Variants in CAST observed in about 807,000 individuals in gnomAD.
CAST encodes calpastatin, also known as MIR583 host.
A neutral mutation model predicts 119.6 loss-of-function variants in CAST; 76 were observed. The observed-to-expected ratio is 0.64, with a 90% CI of 0.53 to 0.77. The LOEUF is 0.77. CAST is among the 30% of genes least tolerant of loss of function. CAST has a pLI of 0.00. For synonymous variants in CAST, 319 were observed against 331.6 expected, an observed-to-expected ratio of 0.96 and a Z score of 0.41; for missense variants, 953 against 946.5, an observed-to-expected ratio of 1.01 and a Z score of -0.09.
the CAST span, among the ~76,000 whole-genome samples, chr5:96,097,285 A>G: frequency 6.7e-6 from 1 of 149,954 alleles, no homozygotes; most frequent in Non-Finnish European, 1.5e-5. Context: ...CATGAGCCAC[A>G]CCCAGTTCTT....
chr5:96,410,269 G>A, the CAST span, among the ~76,000 whole-genome samples: 1 of 152,090 alleles, frequency 6.6e-6, no homozygotes, highest in Non-Finnish European at 1.5e-5. Flanking sequence ...CAGATGCTGA[G>A]CAGTTCACCT....
At chr5:96,035,075 A>AAG in the CAST span, among the ~76,000 whole-genome samples, 1 of 143,146 alleles carries the variant, frequency 7.0e-6, no homozygotes, top group African/African-American at 2.6e-5. Context: ...TTAAGTATAT[A>AAG]TATATATATA....
chr5:96,115,818 C>T, the CAST span, among the ~76,000 whole-genome samples: 1 of 151,998 alleles, frequency 6.6e-6, no homozygotes, highest in South Asian at 2.1e-4. Flanking sequence ...TGAAAGGACA[C>T]CTCGAATCTG....
chr5:96,588,200 T>C (rs537638133), intron 1 of CAST, among the ~76,000 whole-genome samples: 15 of 51,572 alleles, frequency 2.9e-4, no homozygotes, highest in Non-Finnish European at 4.6e-4. Context: ...TTCTTTCTTT[T>C]TTTTTTTTTT....
the CAST span, among the ~76,000 whole-genome samples, chr5:96,505,630 C>A: frequency 6.6e-6 from 1 of 152,248 alleles, no homozygotes; most frequent in African/African-American, 2.4e-5. Flanking sequence ...GTTCTCAGTT[C>A]TTTTGCCTCC....
chr5:95,991,904 A>G, the CAST span, among the ~76,000 whole-genome samples: 1 of 152,192 alleles, frequency 6.6e-6, no homozygotes, highest in Admixed American at 6.5e-5. Flanking sequence ...CTTAATCACT[A>G]CTTATTCTAT....
At chr5:96,108,379 T>C in the CAST span, among the ~76,000 whole-genome samples, 2 of 152,226 alleles carry the variant, frequency 1.3e-5, no homozygotes, top group African/African-American at 2.4e-5. Context: ...TCTTTAATGA[T>C]GGTGATGTAC....
chr5:96,394,504 G>A, the CAST span, among the ~76,000 whole-genome samples: 1 of 152,142 alleles, frequency 6.6e-6, no homozygotes, highest in East Asian at 1.9e-4. Flanking sequence ...GGGATTATAG[G>A]TTAATGAGAC....
chr5:96,429,375 T>G, the CAST span: 10,988 of 947,010 alleles, frequency 0.012, 557 homozygotes, highest in East Asian at 0.14. Context: ...ATATATGGAC[T>G]AGTTTAAAAC....
chr5:96,379,940 C>T, the CAST span, among the ~76,000 whole-genome samples: 2 of 152,118 alleles, frequency 1.3e-5, no homozygotes, highest in African/African-American at 4.8e-5. Context: ...AGCAGCCTGT[C>T]CTGAATGGTG....
At chr5:96,205,950 C>T in the CAST span, among the ~76,000 whole-genome samples, 1 of 151,820 alleles carries the variant, frequency 6.6e-6, no homozygotes, top group African/African-American at 2.4e-5. Flanking sequence ...GTAAGTGCTC[C>T]CTTTTCTCTG....
the CAST span, among the ~76,000 whole-genome samples, chr5:96,028,139 T>C: frequency 6.6e-6 from 1 of 152,162 alleles, no homozygotes; most frequent in Non-Finnish European, 1.5e-5. Context: ...AGCCATTGAA[T>C]GTTTTGTGAC....
chr5:96,627,182 C>T (rs751007414), intron 1 of CAST, among the ~76,000 whole-genome samples: 9 of 152,300 alleles, frequency 5.9e-5, no homozygotes, highest in Non-Finnish European at 1.2e-4. Flanking sequence ...TTGAGGTCTA[C>T]CACAACATAG....
the CAST span, among the ~76,000 whole-genome samples, chr5:96,436,939 C>T: frequency 3.3e-5 from 5 of 152,178 alleles, no homozygotes; most frequent in African/African-American, 7.2e-5. Flanking sequence ...AGCAGATCCA[C>T]AGACACTTTT....
At chr5:96,613,109 A>T (rs1747392463) in intron 1 of CAST, among the ~76,000 whole-genome samples, 1 of 152,188 alleles carries the variant, frequency 6.6e-6, no homozygotes, top group Admixed American at 6.5e-5. Flanking sequence ...TAGTTTTATA[A>T]TAAGTCTTGA....
At chr5:96,117,002 T>C in the CAST span, among the ~76,000 whole-genome samples, 1 of 152,218 alleles carries the variant, frequency 6.6e-6, no homozygotes, top group East Asian at 1.9e-4. Flanking sequence ...GTGGCAGTAG[T>C]GGCTGTACCC....
the CAST span, among the ~76,000 whole-genome samples, chr5:96,271,102 A>G: frequency 2.4e-4 from 36 of 152,282 alleles, no homozygotes; most frequent in Non-Finnish European, 4.6e-4. Context: ...ATATAAGGAA[A>G]ACTATAAAAC....
At chr5:96,105,309 T>G in the CAST span, among the ~76,000 whole-genome samples, 7 of 152,192 alleles carry the variant, frequency 4.6e-5, no homozygotes, top group East Asian at 3.8e-4. Context: ...TCCCTGTCTT[T>G]TGCCAGTTTT....
chr5:96,123,484 T>A, the CAST span, among the ~76,000 whole-genome samples: 3 of 152,164 alleles, frequency 2.0e-5, no homozygotes, highest in African/African-American at 7.2e-5. Context: ...GAAATAAAGC[T>A]CTGACACCTT....
Sources: allele counts gnomAD v4.1 joint callset (sites outside exome capture counted in the v4.1 genomes callset), GRCh38; gene constraint gnomAD v4.1.1; transcripts MANE v1.5; gene names NCBI Gene and HGNC (gene_info 2026-07-23, HGNC 2026-07-21).